FBXO25: variants seen among roughly 807,000 people sequenced by gnomAD.
FBXO25 encodes the protein F-box protein 25, also known as F-box only protein 25.
Under a neutral mutation model 51.9 loss-of-function variants are expected in FBXO25, and 45 were observed. That is an observed-to-expected ratio of 0.87 (90% CI 0.68 to 1.11). The LOEUF (loss-of-function observed/expected upper bound fraction) is 1.11, where lower values mean the gene tolerates loss of function less well. Ranked by LOEUF, FBXO25 falls within the 50% of genes most tolerant of loss-of-function variation. The pLI is 0.00. For missense variants in FBXO25, 507 were observed against 428.5 expected, an observed-to-expected ratio of 1.18 and a Z score of -1.62; for synonymous variants, 199 against 151.0, an observed-to-expected ratio of 1.32 and a Z score of -2.33.
At chr8:435,170 C>A (rs1291394694) in intron 4 of FBXO25, among the ~76,000 whole-genome samples, 1 of 152,156 alleles carries the variant, frequency 6.6e-6, no homozygotes, top group African/African-American at 2.4e-5. Context: ...TGCATGCCTC[C>A]CCTGCAGAGA....
chr8:451,508 T>A, intron 7 of FBXO25, 55 bp downstream of exon 7: 4 of 1,509,274 alleles, frequency 2.7e-6, no homozygotes, highest in Non-Finnish European at 3.6e-6. Context: ...TTACAGAAGT[T>A]ATCTTTTCTA....
chr8:421,109 A>G (rs1172987822), intron 2 of FBXO25, among the ~76,000 whole-genome samples: 2 of 152,228 alleles, frequency 1.3e-5, no homozygotes, highest in African/African-American at 4.8e-5. Flanking sequence ...TTACTGCCTG[A>G]GCTCTGCCTC....
chr8:412,129 C>T (rs532128338), intron 1 of FBXO25, among the ~76,000 whole-genome samples: 4 of 152,276 alleles, frequency 2.6e-5, no homozygotes, highest in South Asian at 4.2e-4. Context: ...GAAGTTGCAT[C>T]ATTTTTTAAG....
chr8:470,362 G>A lies in FBXO25; in HGVS notation c.*1558G>A, dbSNP rs1239341121. On this transcript the variant is annotated 3_prime_UTR_variant, in exon 10 of 10. Transcript: ENST00000350302. ...TTGTTCATGAAAAAAAATTTTTTTG[G>A]AGTTTGTTTTTGAGACAGGGTCTTG... The A allele has an allele frequency of 2.0e-5, 3 of 151,946 alleles. No homozygotes were observed. The highest frequency in any genetic ancestry group is 2.9e-5 in the Non-Finnish European group (2 of 68,056). 9.4% of individuals were successfully genotyped at this position (151,946 alleles called of 1,614,324 possible). A position where few individuals can be genotyped will look rare whatever the true frequency, so the allele number is the denominator to read the frequency against.
rs1010703954 is a variant in FBXO25, at chr8:477,537, C to T, written c.*8733C>T. On this transcript the variant is annotated 3_prime_UTR_variant, in exon 10 of 10. Coordinates refer to ENST00000350302, the MANE Select transcript of FBXO25 (RefSeq NM_183420.2). ...GGATGTCTGGGATTTCCTTTGAATC[C>T]GTGGGGCTGGGAGTAACTATAAATG... The T allele has an allele frequency of 2.6e-5, 4 of 152,136 alleles. No homozygotes were observed. The highest frequency in any genetic ancestry group is 4.8e-5 in the African/African-American group (2 of 41,414). 9.4% of individuals were successfully genotyped at this position (152,136 alleles called of 1,614,324 possible).
chr8:437,537 C>T (rs1448544721), intron 5 of FBXO25, among the ~76,000 whole-genome samples: 1 of 152,194 alleles, frequency 6.6e-6, no homozygotes, highest in Non-Finnish European at 1.5e-5. Flanking sequence ...TTCACAAGTC[C>T]AGCAAAGTTA....
At chr8:442,721 C>T (rs1342707736) in intron 5 of FBXO25, among the ~76,000 whole-genome samples, 2 of 152,140 alleles carry the variant, frequency 1.3e-5, no homozygotes, top group Non-Finnish European at 2.9e-5. Flanking sequence ...CTGGCTGCCT[C>T]GGCCTCCCAA....
At chr8:428,962 T>C (rs1407933098) in intron 2 of FBXO25, among the ~76,000 whole-genome samples, 1 of 152,224 alleles carries the variant, frequency 6.6e-6, no homozygotes. Context: ...TGTGGGTTGC[T>C]TCCATGTTTA....
intron 1 of FBXO25, among the ~76,000 whole-genome samples, chr8:411,294 G>A (rs1203744761): frequency 6.6e-6 from 1 of 151,952 alleles, no homozygotes; most frequent in Non-Finnish European, 1.5e-5. Flanking sequence ...CGTCTCTGTC[G>A]ACCATTTCTT....
intron 2 of FBXO25, among the ~76,000 whole-genome samples, chr8:423,605 C>A (rs1346315648): frequency 6.6e-6 from 1 of 152,146 alleles, no homozygotes; most frequent in Non-Finnish European, 1.5e-5. Context: ...ATCCATGTTG[C>A]TGCAAAGGGT....
chr8:435,891 A>G (rs1411509730), intron 5 of FBXO25, among the ~76,000 whole-genome samples, 184 bp downstream of exon 5: 1 of 152,230 alleles, frequency 6.6e-6, no homozygotes, highest in Non-Finnish European at 1.5e-5. Flanking sequence ...GGATTTCTCC[A>G]GTATTGGTGG....
intron 2 of FBXO25, among the ~76,000 whole-genome samples, chr8:417,130 C>T (rs1008736493): frequency 2.0e-5 from 3 of 152,172 alleles, no homozygotes; most frequent in African/African-American, 4.8e-5. Flanking sequence ...AAGGGGAGCC[C>T]GGAAGCGGGG....
At chr8:443,137 A>C (rs1292681955) in intron 5 of FBXO25, among the ~76,000 whole-genome samples, 3 of 151,062 alleles carry the variant, frequency 2.0e-5, no homozygotes, top group Admixed American at 2.0e-4. Context: ...TGATGTTTTT[A>C]AGAAAAATTG....
intron 4 of FBXO25, chr8:435,359 T>C: frequency 2.1e-6 from 1 of 485,290 alleles, no homozygotes; most frequent in Non-Finnish European, 3.6e-6. Flanking sequence ...AGATATTTAA[T>C]AAATATTTGT....
intron 5 of FBXO25, among the ~76,000 whole-genome samples, chr8:448,671 T>C (rs1798886487): frequency 6.6e-6 from 1 of 152,124 alleles, no homozygotes; most frequent in Non-Finnish European, 1.5e-5. Flanking sequence ...GAGCAGAGTG[T>C]GAGTGGAGGG....
intron 6 of FBXO25, 123 bp downstream of exon 6, chr8:450,206 G>A (rs1024971631): frequency 5.4e-6 from 3 of 557,976 alleles, no homozygotes; most frequent in South Asian, 6.3e-5. Flanking sequence ...TGTAAATAAT[G>A]TGATAACATC....
intron 1 of FBXO25, among the ~76,000 whole-genome samples, chr8:410,659 C>T (rs1796433222): frequency 6.6e-6 from 1 of 152,100 alleles, no homozygotes; most frequent in African/African-American, 2.4e-5. Context: ...TTTTAGATAA[C>T]TTTAGGTCGA....
In FBXO25 at chr8:474,879, G is replaced by A. The variant is rs141343781; in HGVS notation, c.*6075G>A. 2 of 453,628 alleles carry A rather than the reference G, an allele frequency of 4.4e-6. No homozygotes were observed. The highest frequency in any genetic ancestry group is 2.4e-5 in the Admixed American group (1 of 42,230). 28.1% of individuals were successfully genotyped at this position (453,628 alleles called of 1,614,324 possible). ...TGTGTGCCTCTGGTGTCATATCTAA[G>A]AAATCACTGCCTCACCCTTTTCAGA... On this transcript the variant is annotated 3_prime_UTR_variant, in exon 10 of 10. Transcript: ENST00000350302.
intron 9 of FBXO25, 121 bp downstream of exon 9, chr8:463,271 G>T (rs570729295): frequency 8.9e-7 from 1 of 1,129,172 alleles, no homozygotes; most frequent in Non-Finnish European, 1.3e-6. Context: ...AGTAAGTTAA[G>T]GAGATATATT....
Sources: gnomAD v4.1 joint callset for allele counts (sites outside exome capture counted in the v4.1 genomes callset) on GRCh38, gnomAD v4.1.1 for gene constraint, MANE v1.5 for transcripts, NCBI Gene and HGNC (gene_info 2026-07-23, HGNC 2026-07-21) for gene names.